Variants in DYNC2H1 observed in about 807,000 individuals in gnomAD.
DYNC2H1 encodes the protein dynein cytoplasmic 2 heavy chain 1.
DYNC2H1 carries 410 observed loss-of-function variants against 570.0 expected under a neutral mutation model. The ratio of observed to expected loss-of-function variants is 0.72; its 90% confidence interval spans 0.66 to 0.78. The LOEUF (loss-of-function observed/expected upper bound fraction) is 0.78. Among genes scored for constraint, DYNC2H1 ranks in the 30% least tolerant of loss-of-function variants. The probability of loss-of-function intolerance (pLI) is 0.00; values close to 1 mark genes in which losing one functional copy is unlikely to be tolerated. For missense variants in DYNC2H1, 4,865 were observed against 5,046.4 expected (o/e 0.96, Z 1.09); for synonymous variants, 1,688 against 1,677.6 (o/e 1.01, Z -0.15).
At chr11:103,379,529 T>G (rs1202891248) in intron 83 of DYNC2H1, among the ~76,000 whole-genome samples, 1 of 152,168 alleles carries the variant, frequency 6.6e-6, no homozygotes. Flanking sequence ...TGACTGAGGC[T>G]TCTATTCTTT....
intron 1 of DYNC2H1, among the ~76,000 whole-genome samples, chr11:103,112,157 G>A (rs1159312002): frequency 6.6e-6 from 1 of 152,154 alleles, no homozygotes; most frequent in East Asian, 1.9e-4. Context: ...TGGGGGAAGA[G>A]TGTTCTAAGC....
chr11:103,164,377 A>G (rs947003130), intron 30 of DYNC2H1, among the ~76,000 whole-genome samples: 2 of 152,338 alleles, frequency 1.3e-5, no homozygotes, highest in South Asian at 4.1e-4. Context: ...ACTAAAATAA[A>G]GAATTCTAGT....
chr11:103,200,770 CCTT>C (rs1203311285), intron 50 of DYNC2H1, among the ~76,000 whole-genome samples: 13 of 152,128 alleles, frequency 8.5e-5, no homozygotes, highest in Middle Eastern at 3.2e-3. Flanking sequence ...TGCACATTCT[CCTT>C]CTTCAGTTGG....
At chr11:103,214,446 C>CTT (rs200386358) in intron 54 of DYNC2H1, among the ~76,000 whole-genome samples, 77,303 of 126,990 alleles carry the variant, frequency 0.61, 23,370 homozygotes, top group Middle Eastern at 0.66. Flanking sequence ...ACTTCTTCTT[C>CTT]TTTTTTTTTT....
intron 75 of DYNC2H1, among the ~76,000 whole-genome samples, chr11:103,297,671 A>T (rs1866890625): frequency 6.6e-6 from 1 of 152,132 alleles, no homozygotes; most frequent in Non-Finnish European, 1.5e-5. Flanking sequence ...CAACCATGGT[A>T]TACATGGTCC....
In DYNC2H1 at chr11:103,197,859, T is replaced by C. The variant is rs1050711621; in HGVS notation, c.7709-74T>C. On this transcript the variant is annotated intron_variant, in intron 47 of 88. Transcript: ENST00000375735. ...TTGGATTATTAACTTAAAAATGTTT[T>C]AGTAGGCAATGTATTTGTTGAACTC... is the stretch of plus-strand genomic sequence containing the variant. The C allele has an allele frequency of 4.1e-6, 6 of 1,454,076 alleles. No individual in the cohort carries two copies. In the African/African-American group the frequency reaches 8.6e-5, roughly 21 times the overall value. The allele number at this position is 1,454,076 out of a possible 1,614,324, so 90.1% of individuals were successfully genotyped here.
chr11:103,413,250 C>CTATT (rs1296695675), intron 84 of DYNC2H1, among the ~76,000 whole-genome samples: 2 of 152,098 alleles, frequency 1.3e-5, no homozygotes, highest in African/African-American at 4.8e-5. Context: ...TGTTAAAAGC[C>CTATT]TATTTTTATT....
chr11:103,438,365 A>G (rs1417137138), intron 85 of DYNC2H1, among the ~76,000 whole-genome samples: 3 of 152,106 alleles, frequency 2.0e-5, no homozygotes, highest in Non-Finnish European at 4.4e-5. Flanking sequence ...GCAGCTTGTG[A>G]TACTTGGAGA....
At chr11:103,300,332 G>A (rs949693145) in intron 75 of DYNC2H1, among the ~76,000 whole-genome samples, 1 of 151,972 alleles carries the variant, frequency 6.6e-6, no homozygotes, top group African/African-American at 2.4e-5. Flanking sequence ...ATTATGGTCA[G>A]AATATAAAGT....
At chr11:103,418,892 G>A (rs189360431) in intron 84 of DYNC2H1, among the ~76,000 whole-genome samples, 1 of 152,334 alleles carries the variant, frequency 6.6e-6, no homozygotes, top group Non-Finnish European at 1.5e-5. Context: ...ACACAGAGCT[G>A]TGTGGAGTCT....
At chr11:103,421,607 C>G (rs1399717750) in intron 84 of DYNC2H1, among the ~76,000 whole-genome samples, 1 of 152,016 alleles carries the variant, frequency 6.6e-6, no homozygotes, top group Non-Finnish European at 1.5e-5. Context: ...CTGAATGACT[C>G]TTGGGTAAAT....
At position 103,286,374 on chromosome 11, in the gene DYNC2H1, C is replaced by T. The variant is rs1369065899; in HGVS notation, c.11010C>T (p.Ser3670=). 1 of 1,610,780 alleles carries T rather than the reference C, an allele frequency of 6.2e-7. No homozygotes were observed. Among genetic ancestry groups the T allele is most frequent in the African/African-American group, 1.3e-5 (1 of 74,710 alleles). ...EFPSILAKKV[S]LFQQILVVQA... is the part of the protein sequence containing the mutation. ...CATCTATCCTTGCAAAGAAAGTTTCCTTATTTCAGCAGGTAAAATTTAGTG... is the reference window on the plus strand; with the variant it reads ...CATCTATCCTTGCAAAGAAAGTTTCTTTATTTCAGCAGGTAAAATTTAGTG... Residue 3670 remains serine, a synonymous_variant, in exon 74 of 89, where the codon TCC becomes TCT. Coordinates refer to ENST00000375735, the MANE Select transcript of DYNC2H1 (RefSeq NM_001377.3).
chr11:103,399,150 T>A (rs534969934), intron 83 of DYNC2H1, among the ~76,000 whole-genome samples: 1 of 131,338 alleles, frequency 7.6e-6, no homozygotes, highest in Non-Finnish European at 1.6e-5. Context: ...TTTTTTTTTG[T>A]TTTTTTTTTT....
chr11:103,286,255 A>C lies in DYNC2H1; in HGVS notation c.10891A>C (p.Ile3631Leu). 3.1e-6 allele frequency: 5 copies of C among 1,612,492 alleles called. No individual in the cohort carries two copies. The highest frequency in any genetic ancestry group is 1.1e-5 in the South Asian group (1 of 90,596). ...GTATATGGCCATTTTTATTTTTTAGATTGCTCTCCCCAGTCTTTATCAGAC... is the reference window on the plus strand; with the variant it reads ...GTATATGGCCATTTTTATTTTTTAGCTTGCTCTCCCCAGTCTTTATCAGAC... ...ERSWAVATLK[I>L]ALPSLYQTLC... is the part of the protein sequence containing the mutation. Residue 3631 changes from isoleucine (I) to leucine (L), a missense_variant and splice_region_variant, in exon 74 of 89, where the codon ATT becomes CTT. Physicochemically the swap from Ile to Leu is conservative, Grantham distance 5 (BLOSUM62 2). This residue lies in a region of DYNC2H1 where 2,401 missense variants were observed against 2,454.6 expected (regional missense o/e 0.98). Coordinates refer to ENST00000375735, the MANE Select transcript of DYNC2H1 (RefSeq NM_001377.3).
Position 103,134,367 on chromosome 11 carries a change from G to A in DYNC2H1, c.2153G>A (p.Trp718Ter). The A allele has an allele frequency of 1.9e-6, 3 of 1,612,052 alleles. No homozygotes were observed. Among genetic ancestry groups the A allele is most frequent in the Non-Finnish European group, 2.5e-6 (3 of 1,178,714 alleles). The part of the protein sequence containing the change: ...NIDLLRQQQR[W>*]KDGLQELRTG... ...GATCTGCTTCGGCAGCAACAGCGCTGGAAAGATGGATTACAAGAATTGAGA... is the reference window on the plus strand; with the variant it reads ...GATCTGCTTCGGCAGCAACAGCGCTAGAAAGATGGATTACAAGAATTGAGA... Residue 718 changes from tryptophan to a stop codon, truncating the protein, a stop_gained, in exon 15 of 89, where the codon TGG becomes TAG. Transcript: ENST00000375735. LOFTEE classifies it high-confidence loss of function.
At chr11:103,276,188 T>TACAC (rs150556013) in intron 70 of DYNC2H1, among the ~76,000 whole-genome samples, 2 of 151,462 alleles carry the variant, frequency 1.3e-5, no homozygotes, top group Admixed American at 1.3e-4. Context: ...TATTGAGTAC[T>TACAC]ACACACACAC....
Position 103,159,031 on chromosome 11 carries a change from G to C in DYNC2H1, c.4378+4G>C. The C allele has an allele frequency of 6.2e-7, 1 of 1,602,620 alleles. No homozygotes were observed. On this transcript the variant is annotated splice_donor_region_variant and intron_variant, in intron 28 of 88. Coordinates refer to ENST00000375735, the MANE Select transcript of DYNC2H1 (RefSeq NM_001377.3). Reference sequence around the variant, plus strand: ...CACCTGAAGAAGCTTTTTGCTGGTAGGATTCAACATTTATTTAACAGATAT... The same window carrying C: ...CACCTGAAGAAGCTTTTTGCTGGTACGATTCAACATTTATTTAACAGATAT...
intron 81 of DYNC2H1, among the ~76,000 whole-genome samples, chr11:103,321,973 A>C (rs1255977060): frequency 1.3e-5 from 2 of 152,054 alleles, no homozygotes; most frequent in East Asian, 3.8e-4. Flanking sequence ...CTTTCATCCA[A>C]ATTTTTTTCA....
intron 84 of DYNC2H1, among the ~76,000 whole-genome samples, chr11:103,435,458 C>T (rs1199688033): frequency 6.6e-6 from 1 of 151,978 alleles, no homozygotes; most frequent in Non-Finnish European, 1.5e-5. Context: ...GGCAGCTGTT[C>T]TTAGAGGGGT....
Sources: gnomAD v4.1 joint callset for allele counts (sites outside exome capture counted in the v4.1 genomes callset) on GRCh38, gnomAD v4.1.1 for gene constraint, gnomAD v4.1.1 regional missense constraint, MANE v1.5 for transcripts, NCBI Gene and HGNC (gene_info 2026-07-23, HGNC 2026-07-21) for gene names.